FERMT2: variants seen among roughly 807,000 people sequenced by gnomAD.
The protein encoded by FERMT2 is FERM domain containing kindlin 2.
Under a neutral mutation model 82.7 loss-of-function variants are expected in FERMT2, and 15 were observed. The observed-to-expected ratio is 0.18, with a 90% CI of 0.12 to 0.28. The LOEUF (loss-of-function observed/expected upper bound fraction) is 0.28. Among genes scored for constraint, FERMT2 ranks in the 10% least tolerant of loss-of-function variants. The pLI is 1.00. For synonymous variants in FERMT2, 274 were observed against 271.5 expected (o/e 1.01, Z -0.09); for missense variants, 645 against 809.4 (o/e 0.80, Z 2.46).
chr14:52,922,243 C>A (rs1439237394), intron 2 of FERMT2, among the ~76,000 whole-genome samples: 2 of 152,206 alleles, frequency 1.3e-5, no homozygotes, highest in African/African-American at 4.8e-5. Context: ...TATCTCTCCA[C>A]TTCCTTGTTA....
At chr14:52,870,538 G>A (rs1025842187) in intron 10 of FERMT2, among the ~76,000 whole-genome samples, 25 of 152,120 alleles carry the variant, frequency 1.6e-4, no homozygotes, top group African/African-American at 5.6e-4. Context: ...ATGAGCCACC[G>A]CGCCCAGCCA....
intron 10 of FERMT2, among the ~76,000 whole-genome samples, chr14:52,865,093 C>A (rs111863061): frequency 6.6e-6 from 1 of 152,102 alleles, no homozygotes; most frequent in African/African-American, 2.4e-5. Context: ...GAGGCCGAGG[C>A]GGGCGGATCA....
chr14:52,947,212 G>A (rs917314420), intron 2 of FERMT2, among the ~76,000 whole-genome samples: 1 of 152,182 alleles, frequency 6.6e-6, no homozygotes, highest in African/African-American at 2.4e-5. Context: ...GGGCGTGGTG[G>A]CTCACGTCTG....
intron 2 of FERMT2, chr14:52,948,569 G>T: frequency 2.2e-6 from 1 of 455,464 alleles, no homozygotes; most frequent in South Asian, 1.6e-5. Flanking sequence ...TACCTTGTTG[G>T]GCTTCTTTTC....
At chr14:52,873,136 G>T (rs562320929) in intron 9 of FERMT2, among the ~76,000 whole-genome samples, 2 of 152,146 alleles carry the variant, frequency 1.3e-5, no homozygotes, top group African/African-American at 4.8e-5. Flanking sequence ...CACAAACAGC[G>T]TTCCGAGGAG....
chr14:52,942,474 T>C (rs528551287), intron 2 of FERMT2, among the ~76,000 whole-genome samples: 34 of 152,076 alleles, frequency 2.2e-4, no homozygotes, highest in Non-Finnish European at 4.1e-4. Context: ...AGCTAATTTT[T>C]TGTATTTTCA....
chr14:52,909,055 A>G (rs1464863121), intron 3 of FERMT2, among the ~76,000 whole-genome samples: 1 of 152,168 alleles, frequency 6.6e-6, no homozygotes, highest in East Asian at 1.9e-4. Flanking sequence ...CATATGACCC[A>G]AGGTGGGCCA....
Position 52,858,361 on chromosome 14 carries a change from T to TAAAC in FERMT2, c.*12_*15dup, listed in dbSNP as rs1884694753. Reference sequence around the variant, plus strand: ...TATTGTTATGGCCGTGGAGTTTCATTAAACAGTATTCCTATTCACACCCAA... The same window carrying TAAAC: ...TATTGTTATGGCCGTGGAGTTTCATTAAACAAACAGTATTCCTATTCACACCCAA... On this transcript the variant is annotated 3_prime_UTR_variant, in exon 15 of 15. Coordinates refer to ENST00000341590, the MANE Select transcript of FERMT2 (RefSeq NM_006832.3). The TAAAC allele has an allele frequency of 6.2e-7, 1 of 1,603,702 alleles. No homozygotes were observed. Among genetic ancestry groups the TAAAC allele is most frequent in the Non-Finnish European group, 8.5e-7 (1 of 1,170,706 alleles).
intron 3 of FERMT2, among the ~76,000 whole-genome samples, chr14:52,894,022 T>A (rs182499319): frequency 3.3e-5 from 5 of 152,134 alleles, no homozygotes; most frequent in African/African-American, 1.2e-4. Flanking sequence ...GAGACAGGGT[T>A]TCTCCATGTT....
Position 52,950,502 on chromosome 14 carries a change from G to A in FERMT2, c.67C>T (p.His23Tyr), listed in dbSNP as rs147527926. ...YADGTWELSV[H>Y]VTDLNRDVTL... ...ACATCGCGGTTCAGGTCCGTCACAT[G>A]GACACTCAGTTCCCACGTCCCGTCC... is the stretch of plus-strand genomic sequence containing the variant. Residue 23 changes from histidine (H) to tyrosine (Y), a missense_variant, in exon 2 of 15, where the codon CAT becomes TAT. Coordinates refer to ENST00000341590, the MANE Select transcript of FERMT2 (RefSeq NM_006832.3). The A allele has an allele frequency of 4.2e-4, 682 of 1,614,106 alleles. No individual in the cohort carries two copies. The highest frequency in any genetic ancestry group is 6.0e-4 in the Admixed American group (36 of 60,024).
intron 2 of FERMT2, among the ~76,000 whole-genome samples, chr14:52,942,886 T>C (rs1890158626): frequency 6.6e-6 from 1 of 152,108 alleles, no homozygotes; most frequent in African/African-American, 2.4e-5. Context: ...AACTAAATTT[T>C]AAAAATAAAG....
chr14:52,905,632 G>A (rs999571475), intron 3 of FERMT2, among the ~76,000 whole-genome samples: 2 of 152,292 alleles, frequency 1.3e-5, no homozygotes, highest in South Asian at 2.1e-4. Context: ...GAGGTGATGA[G>A]ATGTGTAGGT....
At chr14:52,945,844 A>C (rs748317700) in intron 2 of FERMT2, among the ~76,000 whole-genome samples, 1 of 152,240 alleles carries the variant, frequency 6.6e-6, no homozygotes, top group Non-Finnish European at 1.5e-5. Flanking sequence ...AATTGTACAC[A>C]TAAGTTTTAA....
intron 2 of FERMT2, among the ~76,000 whole-genome samples, chr14:52,937,146 A>G (rs1035407620): frequency 2.6e-5 from 4 of 152,138 alleles, no homozygotes; most frequent in Admixed American, 2.0e-4. Context: ...TGGGCAACAA[A>G]GCAAGACTCT....
chr14:52,901,894 GGCT>G (rs1313146478), intron 3 of FERMT2, among the ~76,000 whole-genome samples: 1 of 152,116 alleles, frequency 6.6e-6, no homozygotes, highest in Non-Finnish European at 1.5e-5. Context: ...TGTTGTTTCA[GGCT>G]GCTAAATTTA....
intron 4 of FERMT2, among the ~76,000 whole-genome samples, chr14:52,886,360 G>T (rs1041994627): frequency 3.3e-5 from 5 of 151,996 alleles, no homozygotes; most frequent in South Asian, 2.1e-4. Flanking sequence ...TTTTTTTAGA[G>T]ACAGGGTCTT....
chr14:52,950,326 T>A, intron 2 of FERMT2, 86 bp downstream of exon 2: 2 of 1,373,392 alleles, frequency 1.5e-6, no homozygotes, highest in South Asian at 1.3e-5. Flanking sequence ...ATTTCTCAAA[T>A]GGGCCCCTCC....
At chr14:52,922,880 G>A (rs1889040997) in intron 2 of FERMT2, among the ~76,000 whole-genome samples, 1 of 152,172 alleles carries the variant, frequency 6.6e-6, no homozygotes, top group Non-Finnish European at 1.5e-5. Flanking sequence ...AGGGGGATAA[G>A]ATCTGAGAAA....
intron 2 of FERMT2, among the ~76,000 whole-genome samples, chr14:52,942,362 G>A (rs1890130081): frequency 6.7e-6 from 1 of 150,298 alleles, no homozygotes; most frequent in South Asian, 2.1e-4. Flanking sequence ...GAGTGCAGTG[G>A]CGCGATCCCG....
Sources: allele counts gnomAD v4.1 joint callset (sites outside exome capture counted in the v4.1 genomes callset), GRCh38; gene constraint gnomAD v4.1.1; transcripts MANE v1.5; gene names NCBI Gene and HGNC (gene_info 2026-07-23, HGNC 2026-07-21).